Variants in SFT2D1 observed in about 807,000 individuals in gnomAD.
SFT2D1 encodes the protein vesicle transport protein SFT2A.
SFT2D1 carries 24 observed loss-of-function variants against 28.1 expected under a neutral mutation model. The observed-to-expected ratio is 0.85, with a 90% CI of 0.62 to 1.20. The LOEUF is 1.20. Ranked by LOEUF, SFT2D1 falls within the 50% of genes most tolerant of loss-of-function variation. The probability of loss-of-function intolerance (pLI) is 0.00; values close to 1 mark genes in which losing one functional copy is unlikely to be tolerated. For missense variants in SFT2D1, 181 were observed against 190.9 expected, an observed-to-expected ratio of 0.95 and a Z score of 0.31; for synonymous variants, 82 against 73.7, an observed-to-expected ratio of 1.11 and a Z score of -0.58.
In SFT2D1 at chr6:166,342,363, G is replaced by C. The variant is rs866482993; in HGVS notation, c.63+56C>G. 52 of 1,508,032 alleles carry C rather than the reference G, an allele frequency of 3.4e-5. No homozygotes were observed. In the Middle Eastern group the frequency reaches 9.7e-4, roughly 28 times the overall value. The allele number at this position is 1,508,032 out of a possible 1,614,324, so 93.4% of individuals were successfully genotyped here. On this transcript the variant is annotated intron_variant, in intron 1 of 7. Transcript: ENST00000361731. ...ACCCCACCCGCTCGGCCGGTCCTCA[G>C]TGCGGCCGGGGCCAGCGGGCAGCCC...
chr6:166,323,050 T>C, intron 6 of SFT2D1, 164 bp from the exon 7 acceptor site: 4 of 544,968 alleles, frequency 7.3e-6, no homozygotes, highest in African/African-American at 1.9e-5. Context: ...TGGGAACTTG[T>C]TAAAAATGTA....
At chr6:166,335,631 A>C (rs1778633673) in intron 1 of SFT2D1, among the ~76,000 whole-genome samples, 1 of 152,012 alleles carries the variant, frequency 6.6e-6, no homozygotes, top group South Asian at 2.1e-4. Flanking sequence ...GGAGAACATA[A>C]ATAACTCCCA....
chr6:166,326,349 C>T (rs542000115), intron 4 of SFT2D1, among the ~76,000 whole-genome samples, 182 bp from the exon 5 acceptor site: 1 of 152,262 alleles, frequency 6.6e-6, no homozygotes, highest in South Asian at 2.1e-4. Context: ...TCTATGACTG[C>T]AATATTCCTT....
At chr6:166,334,798 C>T in intron 1 of SFT2D1, 1 of 413,924 alleles carries the variant, frequency 2.4e-6, no homozygotes, top group Non-Finnish European at 4.7e-6. Context: ...GTGGATGCGC[C>T]ATGAATGCAA....
chr6:166,342,306 C>G (rs991417004), intron 1 of SFT2D1, 113 bp downstream of exon 1: 15 of 886,334 alleles, frequency 1.7e-5, no homozygotes, highest in African/African-American at 1.2e-4. Flanking sequence ...ACCAGCCGGG[C>G]AGAGGAGTCC....
rs536641077 is a variant in SFT2D1 at position 166,339,156 on chromosome 6, C to G, written c.63+3263G>C. ...CTCCAAAAACCAACAGCAAACCTCC[C>G]TATGTCCTCACCCTCTTCTCTGATG... On this transcript the variant is annotated intron_variant, in intron 1 of 7. Coordinates refer to ENST00000361731, the MANE Select transcript of SFT2D1 (RefSeq NM_145169.3). Among the ~76,000 whole-genome samples, 3 of 152,252 alleles carry G rather than the reference C, an allele frequency of 2.0e-5. No homozygotes were observed. In the South Asian group the frequency reaches 6.2e-4, roughly 32 times the overall value.
At chr6:166,328,183 A>C in intron 4 of SFT2D1, 93 bp downstream of exon 4, 1 of 548,398 alleles carries the variant, frequency 1.8e-6, no homozygotes, top group South Asian at 5.3e-5. Context: ...AAAAATAAAA[A>C]AAGAAGTATA....
intron 5 of SFT2D1, chr6:166,324,835 C>T (rs748546167): frequency 1.4e-4 from 67 of 489,186 alleles, no homozygotes; most frequent in Non-Finnish European, 2.2e-4. Flanking sequence ...TTTAAATAAA[C>T]GTTACTGAAA....
At chr6:166,324,270 T>A (rs1778404446) in intron 6 of SFT2D1, 2 of 353,660 alleles carry the variant, frequency 5.7e-6, no homozygotes. Context: ...CTTTTCTTAT[T>A]ATTTCTCTTT....
At chr6:166,324,257 C>A in intron 6 of SFT2D1, 1 of 327,358 alleles carries the variant, frequency 3.1e-6, no homozygotes, top group Non-Finnish European at 5.6e-6. Flanking sequence ...ATGGCATCAC[C>A]TACTTTTCTT....
intron 1 of SFT2D1, chr6:166,335,602 T>C (rs1422095792): frequency 1.1e-5 from 4 of 370,476 alleles, no homozygotes; most frequent in Non-Finnish European, 2.1e-5. Flanking sequence ...AAATCAGACC[T>C]TGGCGATGAC....
Position 166,322,874 on chromosome 6 carries a change from C to T in SFT2D1, c.423G>A (p.Ser141=), listed in dbSNP as rs7088. ...QFLSMTWYSL[S]YIPYARDAVI... is the part of the protein sequence containing the mutation. ...AAGCTTACCTTGCATATGGGATGTA[C>T]GACAGGCTATACCTGCAAGAAATAT... is the stretch of plus-strand genomic sequence containing the variant. The change falls in exon 7 of 8, where the codon TCG becomes TCA. Residue 141 remains serine (S), a synonymous_variant. Coordinates refer to ENST00000361731, the MANE Select transcript of SFT2D1 (RefSeq NM_145169.3). 0.41 allele frequency: 659,765 copies of T among 1,605,376 alleles called. 139,104 individuals carry two copies. The highest frequency in any genetic ancestry group is 0.56 in the South Asian group (51,080 of 90,512).
intron 2 of SFT2D1, 28 bp downstream of exon 2, chr6:166,330,133 T>G (rs1778522792): frequency 1.3e-6 from 2 of 1,485,456 alleles, no homozygotes; most frequent in Admixed American, 4.9e-5. Context: ...AAATAAAAAT[T>G]ATTAAACAAT....
intron 3 of SFT2D1, 94 bp downstream of exon 3, chr6:166,329,413 C>G: frequency 2.0e-6 from 2 of 1,003,918 alleles, no homozygotes; most frequent in Non-Finnish European, 3.1e-6. Context: ...ACAGTATGTA[C>G]AGAACTACAT....
intron 7 of SFT2D1, among the ~76,000 whole-genome samples, chr6:166,322,601 G>A (rs1326335450): frequency 6.6e-6 from 1 of 151,140 alleles, no homozygotes; most frequent in African/African-American, 2.4e-5. Flanking sequence ...GCTGAGGCAG[G>A]GGAATCTTGA....
chr6:166,338,670 G>A (rs2114914192), intron 1 of SFT2D1, among the ~76,000 whole-genome samples: 1 of 152,224 alleles, frequency 6.6e-6, no homozygotes, highest in East Asian at 1.9e-4. Context: ...GGCAAGCACT[G>A]GGGAGAGGGT....
rs758806515 is a variant in SFT2D1, at chr6:166,320,189, A to C, written c.*28T>G. 1.2e-6 allele frequency: 2 copies of C among 1,606,196 alleles called. No individual in the cohort carries two copies. The highest frequency in any genetic ancestry group is 2.2e-5 in the East Asian group (1 of 44,748). Reference sequence around the variant, plus strand: ...ACCAAACATAGAGTACCAACATTCAAGTGCTCTTTTCCACAAGTTTCTGAT... The same window carrying C: ...ACCAAACATAGAGTACCAACATTCACGTGCTCTTTTCCACAAGTTTCTGAT... On this transcript the variant is annotated 3_prime_UTR_variant, in exon 8 of 8. Transcript: ENST00000361731.
intron 1 of SFT2D1, among the ~76,000 whole-genome samples, chr6:166,332,782 G>A (rs1023992052): frequency 6.6e-6 from 1 of 152,200 alleles, no homozygotes; most frequent in African/African-American, 2.4e-5. Flanking sequence ...CCCTATTCCC[G>A]CCACAGTAAG....
chr6:166,339,387 A>G (rs1018334900), intron 1 of SFT2D1, among the ~76,000 whole-genome samples: 1 of 152,094 alleles, frequency 6.6e-6, no homozygotes, highest in African/African-American at 2.4e-5. Context: ...TGCCTGCACC[A>G]TAATTTTCCC....
Sources: allele counts gnomAD v4.1 joint callset (sites outside exome capture counted in the v4.1 genomes callset), GRCh38; gene constraint gnomAD v4.1.1; transcripts MANE v1.5; gene names NCBI Gene and HGNC (gene_info 2026-07-23, HGNC 2026-07-21).